Variants in BTG4 observed in about 807,000 individuals in gnomAD.
BTG4 encodes the protein protein BTG4.
Under a neutral mutation model 19.3 loss-of-function variants are expected in BTG4, and 10 were observed. That is an observed-to-expected ratio of 0.52 (90% CI 0.32 to 0.88). The LOEUF is 0.88. BTG4 is among the 40% of genes least tolerant of loss of function. BTG4 has a pLI of 0.04. For missense variants in BTG4, 238 were observed against 281.9 expected (o/e 0.84, Z 1.11); for synonymous variants, 91 against 95.7 (o/e 0.95, Z 0.29).
At chr11:111,498,285 A>G (rs1865861803) in intron 2 of BTG4, 150 bp from the exon 3 acceptor site, 1 of 838,766 alleles carries the variant, frequency 1.2e-6, no homozygotes, top group African/African-American at 1.7e-5. Context: ...CACTCTTACA[A>G]GTAAGACATC....
the BTG4 span, chr11:111,452,384 A>G: frequency 6.6e-6 from 1 of 152,268 alleles, no homozygotes; most frequent in Non-Finnish European, 1.5e-5. Context: ...TGGGACAAAG[A>G]CTGAACAGAC....
chr11:111,419,834 T>C, the BTG4 span, among the ~76,000 whole-genome samples: 2 of 152,336 alleles, frequency 1.3e-5, no homozygotes, highest in South Asian at 2.1e-4. Flanking sequence ...CTCAGCAGCC[T>C]CAGTTCCCAG....
chr11:111,460,245 T>G, the BTG4 span: 1 of 152,612 alleles, frequency 6.6e-6, no homozygotes, highest in Non-Finnish European at 1.5e-5. Flanking sequence ...GCTCAAGCCA[T>G]AGACCCCTGG....
At chr11:111,503,713 T>A (rs1014341632) in intron 1 of BTG4, among the ~76,000 whole-genome samples, 1 of 152,146 alleles carries the variant, frequency 6.6e-6, no homozygotes, top group Admixed American at 6.6e-5. Flanking sequence ...TTTCCTATTA[T>A]GCCTGTAACA....
the BTG4 span, among the ~76,000 whole-genome samples, chr11:111,394,959 C>G: frequency 6.6e-6 from 1 of 152,206 alleles, no homozygotes; most frequent in African/African-American, 2.4e-5. Context: ...GTCCTCTCCC[C>G]CTCAGAAGCC....
the BTG4 span, among the ~76,000 whole-genome samples, chr11:111,419,757 G>A: frequency 1.3e-5 from 2 of 152,100 alleles, no homozygotes; most frequent in South Asian, 4.2e-4. Context: ...AGAGAGAGAG[G>A]CCTGGCAGCG....
At chr11:111,429,255 CG>C in the BTG4 span, among the ~76,000 whole-genome samples, 6 of 152,068 alleles carry the variant, frequency 3.9e-5, no homozygotes, top group African/African-American at 1.5e-4. Flanking sequence ...CACGCTCTCT[CG>C]GTAGAAAGGA....
chr11:111,426,146 G>C, the BTG4 span, among the ~76,000 whole-genome samples: 9 of 152,208 alleles, frequency 5.9e-5, no homozygotes, highest in Non-Finnish European at 8.8e-5. Flanking sequence ...GGGACAAGGA[G>C]GAGGGTGATG....
At chr11:111,403,449 T>C in the BTG4 span, among the ~76,000 whole-genome samples, 1 of 152,188 alleles carries the variant, frequency 6.6e-6, no homozygotes, top group Non-Finnish European at 1.5e-5. Context: ...ACCTGCATTG[T>C]GGGACAAGGG....
At chr11:111,509,911 C>CTTTTTTTTTTTTTTTTTTTTTTTTT (rs1450409427) in intron 1 of BTG4, among the ~76,000 whole-genome samples, 2 of 114,722 alleles carry the variant, frequency 1.7e-5, no homozygotes, top group Non-Finnish European at 3.7e-5. Flanking sequence ...TTTCTTTTTT[C>CTTTTTTTTTTTTTTTTTTTTTTTTT]TTTTTTTTTT....
chr11:111,420,936 A>T, the BTG4 span, among the ~76,000 whole-genome samples: 3 of 152,248 alleles, frequency 2.0e-5, no homozygotes, highest in Non-Finnish European at 4.4e-5. Context: ...ACAATCTTGG[A>T]GGTCCCAGAA....
chr11:111,464,069 T>A (rs1468042506), downstream of BTG4, among the ~76,000 whole-genome samples: 1 of 152,210 alleles, frequency 6.6e-6, no homozygotes, highest in Non-Finnish European at 1.5e-5. Flanking sequence ...CAATCTCCAC[T>A]CACTGCAACC....
chr11:111,420,633 AAG>A, the BTG4 span, among the ~76,000 whole-genome samples: 1 of 152,274 alleles, frequency 6.6e-6, no homozygotes, highest in Non-Finnish European at 1.5e-5. Context: ...GGGTAAGAAC[AAG>A]AAACAGCATT....
chr11:111,483,228 C>T (rs1864849663), intron 5 of BTG4, among the ~76,000 whole-genome samples: 2 of 152,164 alleles, frequency 1.3e-5, no homozygotes, highest in South Asian at 4.1e-4. Flanking sequence ...ACTCAATCCC[C>T]TTTTAATATG....
chr11:111,452,056 C>CT, the BTG4 span, among the ~76,000 whole-genome samples: 1 of 152,216 alleles, frequency 6.6e-6, no homozygotes, highest in East Asian at 1.9e-4. Context: ...CCAAGCCCAC[C>CT]TATGCATGGT....
the BTG4 span, among the ~76,000 whole-genome samples, chr11:111,429,715 CAAG>C: frequency 1.1e-4 from 16 of 152,314 alleles, no homozygotes; most frequent in Middle Eastern, 6.8e-3. Context: ...ACAATTAGGC[CAAG>C]AAGTTCTGTA....
the BTG4 span, among the ~76,000 whole-genome samples, chr11:111,447,987 G>C: frequency 6.6e-6 from 1 of 152,116 alleles, no homozygotes; most frequent in Non-Finnish European, 1.5e-5. Context: ...CCTCCCCAGC[G>C]GTCTTTCTCA....
intron 5 of BTG4, chr11:111,469,117 C>CAT (rs1863899414): frequency 6.6e-6 from 1 of 152,170 alleles, no homozygotes; most frequent in South Asian, 2.1e-4. Context: ...GACCATGTGC[C>CAT]ATAAACCCTG....
chr11:111,401,258 G>A, the BTG4 span, among the ~76,000 whole-genome samples: 7 of 152,002 alleles, frequency 4.6e-5, no homozygotes, highest in Admixed American at 2.0e-4. Context: ...AGGCCAAGGC[G>A]GGCGGATCAC....
Sources: gnomAD v4.1 joint callset for allele counts (sites outside exome capture counted in the v4.1 genomes callset) on GRCh38, gnomAD v4.1.1 for gene constraint, MANE v1.5 for transcripts, NCBI Gene and HGNC (gene_info 2026-07-23, HGNC 2026-07-21) for gene names.